The following ARNT2 variants were observed in gnomAD, a reference collection of about 807,000 sequenced individuals.
ARNT2 encodes ARNT protein 2.
Under a neutral mutation model 91.7 loss-of-function variants are expected in ARNT2, and 36 were observed. That is an observed-to-expected ratio of 0.39 (90% CI 0.30 to 0.52). The LOEUF is 0.52. Ranked by LOEUF, ARNT2 falls within the 20% of genes least tolerant of loss-of-function variation. The probability of loss-of-function intolerance (pLI) is 0.72; values close to 1 mark genes in which losing one functional copy is unlikely to be tolerated. For missense variants in ARNT2, 775 were observed against 939.3 expected (o/e 0.83, Z 2.29); for synonymous variants, 365 against 347.1 (o/e 1.05, Z -0.57).
chr15:80,553,221 G>T (rs1378173562), intron 10 of ARNT2, among the ~76,000 whole-genome samples: 1 of 151,964 alleles, frequency 6.6e-6, no homozygotes, highest in Non-Finnish European at 1.5e-5. Flanking sequence ...ACTCTTTTTT[G>T]AAAAGTCAAT....
chr15:80,415,273 C>T (rs1895761638), intron 1 of ARNT2, among the ~76,000 whole-genome samples: 1 of 152,216 alleles, frequency 6.6e-6, no homozygotes, highest in Non-Finnish European at 1.5e-5. Context: ...ATTCATTGGC[C>T]CAAGCCAGAC....
chr15:80,435,407 T>G (rs1896071618), intron 1 of ARNT2, among the ~76,000 whole-genome samples: 1 of 152,144 alleles, frequency 6.6e-6, no homozygotes, highest in Admixed American at 6.5e-5. Context: ...AGTCCCTGCT[T>G]CAGAAGCAGC....
chr15:80,488,605 C>G (rs906250406), intron 5 of ARNT2: 1 of 152,136 alleles, frequency 6.6e-6, no homozygotes, highest in African/African-American at 2.4e-5. Flanking sequence ...CTCGACTGTA[C>G]CATAGTGAAG....
intron 12 of ARNT2, among the ~76,000 whole-genome samples, chr15:80,567,504 G>A (rs892486461): frequency 1.3e-5 from 2 of 152,228 alleles, no homozygotes; most frequent in African/African-American, 2.4e-5. Flanking sequence ...AATGGGGGCA[G>A]AGAATAAATA....
At position 80,423,339 on chromosome 15, in the gene ARNT2, T is replaced by C. The variant is rs181349538; in HGVS notation, c.31+18793T>C. Among the ~76,000 whole-genome samples, 59 of 152,334 alleles carry C rather than the reference T, an allele frequency of 3.9e-4. 1 individual carries two copies. The highest frequency in any genetic ancestry group is 1.4e-3 in the African/African-American group (57 of 41,590). ...ACTGATGCTCAATGGATCTGTGCAGTGGCAGCATTAAGGAGTTAGTGTGGA... is the reference window on the plus strand; with the variant it reads ...ACTGATGCTCAATGGATCTGTGCAGCGGCAGCATTAAGGAGTTAGTGTGGA... On this transcript the variant is annotated intron_variant, in intron 1 of 18. Transcript: ENST00000303329.
chr15:80,424,517 C>A (rs1020340139), intron 1 of ARNT2, among the ~76,000 whole-genome samples: 1 of 152,192 alleles, frequency 6.6e-6, no homozygotes, highest in Middle Eastern at 3.2e-3. Context: ...GCTGCTCTTC[C>A]AGTCAGATGT....
intron 14 of ARNT2, 42 bp downstream of exon 14, chr15:80,575,152 T>A: frequency 6.2e-7 from 1 of 1,603,882 alleles, no homozygotes; most frequent in Admixed American, 1.7e-5. Context: ...AGTGTGGGTT[T>A]ACAGTTGCTT....
intron 8 of ARNT2, among the ~76,000 whole-genome samples, chr15:80,527,172 T>C (rs539631755): frequency 1.1e-4 from 17 of 152,316 alleles, no homozygotes; most frequent in East Asian, 3.9e-4. Context: ...TTCTGAGCTC[T>C]TGCCACAGGC....
chr15:80,473,239 T>C (rs1272580273), intron 4 of ARNT2, among the ~76,000 whole-genome samples: 1 of 152,164 alleles, frequency 6.6e-6, no homozygotes, highest in Admixed American at 6.5e-5. Context: ...GTGACTGTTT[T>C]CTTGGAGTGT....
In ARNT2 at chr15:80,592,319, G is replaced by A. The variant is rs147820651; in HGVS notation, c.2055+615G>A. 5.0e-3 allele frequency among the ~76,000 whole-genome samples: 767 copies of A among 152,332 alleles called. 8 individuals carry two copies. The highest frequency in any genetic ancestry group is 0.018 in the African/African-American group (735 of 41,576). ...CCCACAGAGCAGGCCCCTGCCCTTT[G>A]TGGGCTTCCTTGGCTCAACTTTCAG... On this transcript the variant is annotated intron_variant, in intron 18 of 18. Coordinates refer to ENST00000303329, the MANE Select transcript of ARNT2 (RefSeq NM_014862.4).
intron 5 of ARNT2, among the ~76,000 whole-genome samples, chr15:80,507,367 G>A (rs143245410): frequency 1.1e-3 from 162 of 152,246 alleles, no homozygotes; most frequent in African/African-American, 3.6e-3. Context: ...GTGTGCAGGC[G>A]GTGAGGGAGA....
At position 80,470,349 on chromosome 15, in the gene ARNT2, C is replaced by T; in HGVS notation, c.326C>T (p.Ala109Val). 6.2e-7 allele frequency: 1 copy of T among 1,614,202 alleles called. No homozygotes were observed. The highest frequency in any genetic ancestry group is 1.1e-5 in the South Asian group (1 of 91,080). ...KPDKLTILRM[A>V]VSHMKSMRGT... is the part of the protein sequence containing the mutation. ...GACAAGCTCACCATCCTCCGCATGG[C>T]CGTCTCGCACATGAAGTCCATGAGG... is the stretch of plus-strand genomic sequence containing the variant. The change falls in exon 4 of 19, where the codon GCC becomes GTC. Residue 109 changes from alanine to valine, a missense_variant. By Grantham distance (64) the Ala-to-Val change is moderately conservative. Around this residue, in one of 5 missense-constraint regions of ARNT2, gnomAD observed 83 missense variants for 149.4 expected, o/e 0.56. Coordinates refer to ENST00000303329, the MANE Select transcript of ARNT2 (RefSeq NM_014862.4).
intron 5 of ARNT2, among the ~76,000 whole-genome samples, chr15:80,491,796 C>CTTTTTTTT (rs58958624): frequency 3.0e-5 from 2 of 67,588 alleles, no homozygotes; most frequent in Admixed American, 3.5e-4. Flanking sequence ...CAGGACAGGC[C>CTTTTTTTT]TTTTTTTTTT....
At chr15:80,412,739 G>A (rs973706056) in intron 1 of ARNT2, among the ~76,000 whole-genome samples, 4 of 152,190 alleles carry the variant, frequency 2.6e-5, no homozygotes, top group African/African-American at 4.8e-5. Context: ...GAACATCCCC[G>A]TATATGAATG....
chr15:80,496,460 C>T (rs1234837427), intron 5 of ARNT2, among the ~76,000 whole-genome samples: 1 of 152,200 alleles, frequency 6.6e-6, no homozygotes, highest in Non-Finnish European at 1.5e-5. Flanking sequence ...TCTTAAAAAC[C>T]TTTTCCAGGC....
At chr15:80,413,301 G>A (rs1895715242) in intron 1 of ARNT2, among the ~76,000 whole-genome samples, 1 of 151,930 alleles carries the variant, frequency 6.6e-6, no homozygotes, top group East Asian at 1.9e-4. Flanking sequence ...TTTCTCAAAC[G>A]CTGGTGCCAC....
intron 1 of ARNT2, among the ~76,000 whole-genome samples, chr15:80,420,024 G>A (rs374036710): frequency 1.3e-5 from 2 of 152,074 alleles, no homozygotes; most frequent in South Asian, 4.2e-4. Context: ...CACAGCACCC[G>A]CACCTCCCTA....
intron 3 of ARNT2, among the ~76,000 whole-genome samples, chr15:80,462,356 G>A (rs549795378): frequency 3.9e-5 from 6 of 152,232 alleles, no homozygotes; most frequent in Middle Eastern, 3.4e-3. Flanking sequence ...ATTATACACC[G>A]TGCTCATCGT....
chr15:80,545,347 C>T (rs1235875317), intron 8 of ARNT2, among the ~76,000 whole-genome samples: 1 of 152,188 alleles, frequency 6.6e-6, no homozygotes, highest in Non-Finnish European at 1.5e-5. Flanking sequence ...AACTGGACAT[C>T]CTTAAAGGCA....
Sources: allele counts gnomAD v4.1 joint callset (sites outside exome capture counted in the v4.1 genomes callset), GRCh38; gene constraint gnomAD v4.1.1; regional missense constraint gnomAD v4.1.1; transcripts MANE v1.5; gene names NCBI Gene and HGNC (gene_info 2026-07-23, HGNC 2026-07-21).